HDAC9: variants seen among roughly 807,000 people sequenced by gnomAD.
HDAC9 encodes MEF-2 interacting transcription repressor (MITR) protein.
Under a neutral mutation model 139.4 loss-of-function variants are expected in HDAC9, and 41 were observed. The ratio of observed to expected loss-of-function variants is 0.29; its 90% CI spans 0.23 to 0.38. HDAC9 has a LOEUF of 0.38. Ranked by LOEUF, HDAC9 falls within the 10% of genes least tolerant of loss-of-function variation. HDAC9 has a pLI of 1.00. For missense variants in HDAC9, 1,147 were observed against 1,297.0 expected, an observed-to-expected ratio of 0.88 and a Z score of 1.78; for synonymous variants, 517 against 476.2, an observed-to-expected ratio of 1.09 and a Z score of -1.12.
At chr7:18,731,953 A>G (rs191903569) in intron 13 of HDAC9, among the ~76,000 whole-genome samples, 67 of 151,884 alleles carry the variant, frequency 4.4e-4, no homozygotes, top group African/African-American at 1.5e-3. Context: ...TTAAGACTAT[A>G]CTGTAAGTTT....
chr7:18,361,784 T>A (rs554169926), intron 1 of HDAC9, among the ~76,000 whole-genome samples: 1 of 152,132 alleles, frequency 6.6e-6, no homozygotes, highest in East Asian at 1.9e-4. Flanking sequence ...CAAAACACTT[T>A]AATGTATTAT....
At chr7:18,960,898 G>C (rs1190474265) in intron 24 of HDAC9, among the ~76,000 whole-genome samples, 1 of 151,936 alleles carries the variant, frequency 6.6e-6, no homozygotes. Flanking sequence ...TGGGGGGTGG[G>C]GGAAGTTATC....
Position 18,954,345 on chromosome 7 carries a change from T to C in HDAC9, c.3022+115T>C. Reference sequence around the variant, plus strand: ...AGAGTTATCATAATTTGCACATGCGTTCTTAAGTATATATCTTAATGTGTT... The same window carrying C: ...AGAGTTATCATAATTTGCACATGCGCTCTTAAGTATATATCTTAATGTGTT... On this transcript the variant is annotated intron_variant, in intron 24 of 25. Coordinates refer to ENST00000686413, the MANE Select transcript of HDAC9 (RefSeq NM_178425.4). 4.8e-6 allele frequency: 4 copies of C among 829,438 alleles called. No homozygotes were observed. In the South Asian group the frequency reaches 5.2e-5, roughly 11 times the overall value. 51.4% of individuals were successfully genotyped at this position (829,438 alleles called of 1,614,324 possible). A position where few individuals can be genotyped will look rare whatever the true frequency, so the allele number is the denominator to read the frequency against.
At chr7:18,410,416 T>C (rs1373424496) in intron 1 of HDAC9, among the ~76,000 whole-genome samples, 1 of 152,176 alleles carries the variant, frequency 6.6e-6, no homozygotes, top group Non-Finnish European at 1.5e-5. Flanking sequence ...CATAAAAATT[T>C]TGTCTCCCAA....
intron 12 of HDAC9, among the ~76,000 whole-genome samples, chr7:18,702,632 G>A (rs1783581026): frequency 6.6e-6 from 1 of 152,144 alleles, no homozygotes; most frequent in South Asian, 2.1e-4. Context: ...TGGAGAAGAG[G>A]GTGTATCTGG....
At chr7:18,344,208 T>C (rs1300583363) in intron 1 of HDAC9, among the ~76,000 whole-genome samples, 1 of 151,916 alleles carries the variant, frequency 6.6e-6, no homozygotes, top group Non-Finnish European at 1.5e-5. Flanking sequence ...GTTTTGCAAA[T>C]GCTATGACTA....
intron 12 of HDAC9, among the ~76,000 whole-genome samples, chr7:18,681,347 T>C (rs985686173): frequency 6.6e-6 from 1 of 152,062 alleles, no homozygotes. Context: ...CTCAATATTT[T>C]AGCCTTTCTT....
chr7:18,390,716 C>A (rs914425044), intron 1 of HDAC9, among the ~76,000 whole-genome samples: 4 of 152,146 alleles, frequency 2.6e-5, no homozygotes, highest in Non-Finnish European at 5.9e-5. Context: ...GCTGCATGGC[C>A]AAGGAGAAGT....
At chr7:18,368,136 C>A (rs1377440784) in intron 1 of HDAC9, among the ~76,000 whole-genome samples, 2 of 152,008 alleles carry the variant, frequency 1.3e-5, no homozygotes, top group African/African-American at 4.8e-5. Flanking sequence ...CTTTTAGTGT[C>A]ATTGATAAAT....
intron 1 of HDAC9, among the ~76,000 whole-genome samples, chr7:18,387,921 A>G (rs565811618): frequency 4.4e-4 from 66 of 150,610 alleles, no homozygotes; most frequent in African/African-American, 1.5e-3. Context: ...TAGGTTACAG[A>G]GGACAAAATA....
chr7:18,194,173 C>G (rs1056545547), intron 2 of HDAC9, among the ~76,000 whole-genome samples: 1 of 152,094 alleles, frequency 6.6e-6, no homozygotes, highest in Non-Finnish European at 1.5e-5. Context: ...TAAATCTTTG[C>G]TAATTATAAC....
chr7:18,922,705 C>T (rs1402859782), intron 22 of HDAC9, among the ~76,000 whole-genome samples: 1 of 152,052 alleles, frequency 6.6e-6, no homozygotes, highest in Non-Finnish European at 1.5e-5. Flanking sequence ...TGGGAATTGG[C>T]AGGTCCAATT....
At chr7:18,914,485 A>G (rs1411407836) in intron 22 of HDAC9, among the ~76,000 whole-genome samples, 2 of 151,998 alleles carry the variant, frequency 1.3e-5, no homozygotes, top group South Asian at 2.1e-4. Context: ...AATAGCAAAT[A>G]TAGTAAAATA....
intron 12 of HDAC9, among the ~76,000 whole-genome samples, chr7:18,704,084 G>C (rs1224475658): frequency 6.6e-6 from 1 of 152,200 alleles, no homozygotes; most frequent in African/African-American, 2.4e-5. Flanking sequence ...CTACTACCAT[G>C]TAACTGGCAT....
chr7:18,192,503 A>G (rs1278426753), intron 2 of HDAC9, among the ~76,000 whole-genome samples: 1 of 152,168 alleles, frequency 6.6e-6, no homozygotes, highest in Non-Finnish European at 1.5e-5. Flanking sequence ...TGGAGTGGAA[A>G]GGAATCATGG....
At chr7:18,220,699 T>C (rs1376429307) in intron 2 of HDAC9, among the ~76,000 whole-genome samples, 1 of 152,146 alleles carries the variant, frequency 6.6e-6, no homozygotes, top group Non-Finnish European at 1.5e-5. Flanking sequence ...AGAACCTTAA[T>C]TGTCAGGCAA....
At chr7:18,790,212 A>C (rs10245511) in intron 16 of HDAC9, among the ~76,000 whole-genome samples, 60,956 of 152,036 alleles carry the variant, frequency 0.4, 13,830 homozygotes, top group African/African-American at 0.63. Flanking sequence ...TATGAACAAG[A>C]TTTTGGGATT....
At chr7:18,791,016 A>G (rs576134789) in intron 16 of HDAC9, among the ~76,000 whole-genome samples, 1 of 152,370 alleles carries the variant, frequency 6.6e-6, no homozygotes, top group South Asian at 2.1e-4. Context: ...TGTCACAAAC[A>G]TCTTTGGCAG....
At chr7:18,934,837 G>A (rs886513948) in intron 22 of HDAC9, among the ~76,000 whole-genome samples, 1 of 152,094 alleles carries the variant, frequency 6.6e-6, no homozygotes, top group Non-Finnish European at 1.5e-5. Context: ...CAGAAGACCC[G>A]TGTAAGAATG....
Sources: allele counts gnomAD v4.1 joint callset (sites outside exome capture counted in the v4.1 genomes callset), GRCh38; gene constraint gnomAD v4.1.1; transcripts MANE v1.5; gene names NCBI Gene and HGNC (gene_info 2026-07-23, HGNC 2026-07-21).